The following OPCML variants were observed in gnomAD, a reference collection of about 807,000 sequenced individuals.
The protein encoded by OPCML is opioid-binding protein/cell adhesion molecule.
OPCML carries 13 observed loss-of-function variants against 37.8 expected under a neutral mutation model. The ratio of observed to expected loss-of-function variants is 0.34; its 90% CI spans 0.22 to 0.55. The LOEUF (loss-of-function observed/expected upper bound fraction) is 0.55, where lower values mean the gene tolerates loss of function less well. Among genes scored for constraint, OPCML ranks in the 20% least tolerant of loss-of-function variants. The pLI is 0.91. For missense variants in OPCML, 341 were observed against 435.6 expected (o/e 0.78, Z 1.93); for synonymous variants, 176 against 168.8 (o/e 1.04, Z -0.33).
At chr11:133,033,766 T>C (rs1237755432) in intron 1 of OPCML, among the ~76,000 whole-genome samples, 2 of 152,200 alleles carry the variant, frequency 1.3e-5, no homozygotes, top group Admixed American at 6.5e-5. Context: ...CTAGTGGTTA[T>C]AGATATCCAG....
intron 2 of OPCML, among the ~76,000 whole-genome samples, chr11:132,834,960 G>T (rs78490800): frequency 6.7e-6 from 1 of 150,362 alleles, no homozygotes; most frequent in African/African-American, 2.5e-5. Context: ...GCCCCTCAAG[G>T]CTAAGTCCCC....
At chr11:132,739,211 C>T (rs544745964) in intron 2 of OPCML, among the ~76,000 whole-genome samples, 2 of 152,354 alleles carry the variant, frequency 1.3e-5, no homozygotes, top group South Asian at 2.1e-4. Flanking sequence ...TGTCTTGTCA[C>T]TTCCCTATAC....
chr11:132,743,930 C>T (rs1945523392), intron 2 of OPCML, among the ~76,000 whole-genome samples: 1 of 152,164 alleles, frequency 6.6e-6, no homozygotes, highest in Non-Finnish European at 1.5e-5. Flanking sequence ...GAAGATTGTT[C>T]TCCCAGGCAG....
At position 133,481,444 on chromosome 11, in the gene OPCML, A is replaced by AAAATAAATAAAT. The variant is rs373209430; in HGVS notation, c.61+50808_61+50819dup. Reference sequence around the variant, plus strand: ...ACCATAATTCTTCTCCCCAGTTAAAAAAATAAATAAATAAATAAATAAATA... The same window carrying AAAATAAATAAAT: ...ACCATAATTCTTCTCCCCAGTTAAAAAAATAAATAAATAAATAAATAAATAAATAAATAAATA... On this transcript the variant is annotated intron_variant, in intron 1 of 7. Coordinates refer to ENST00000524381, the MANE Select transcript of OPCML (RefSeq NM_001012393.5). 1.5e-3 allele frequency among the ~76,000 whole-genome samples: 224 copies of AAAATAAATAAAT among 150,208 alleles called. 1 individual carries two copies. The highest frequency in any genetic ancestry group is 5.3e-3 in the African/African-American group (213 of 40,472).
At chr11:133,372,252 T>A (rs964346128) in intron 1 of OPCML, among the ~76,000 whole-genome samples, 6 of 152,200 alleles carry the variant, frequency 3.9e-5, no homozygotes, top group Non-Finnish European at 7.4e-5. Flanking sequence ...ACTTGATCAT[T>A]ACATATTTAT....
chr11:133,096,580 CAG>C (rs1167591287), intron 1 of OPCML, among the ~76,000 whole-genome samples: 2 of 151,972 alleles, frequency 1.3e-5, no homozygotes, highest in South Asian at 2.1e-4. Flanking sequence ...TCGATTAAAA[CAG>C]AGATTTTCAG....
intron 1 of OPCML, among the ~76,000 whole-genome samples, chr11:133,526,328 T>C (rs1948490631): frequency 6.6e-6 from 1 of 152,154 alleles, no homozygotes; most frequent in Non-Finnish European, 1.5e-5. Flanking sequence ...AAGGCAGATA[T>C]AGAAGGCAAG....
chr11:132,521,378 T>A (rs1482786848), intron 4 of OPCML, among the ~76,000 whole-genome samples: 7 of 152,184 alleles, frequency 4.6e-5, no homozygotes, highest in Non-Finnish European at 8.8e-5. Flanking sequence ...GCTCTTTAGT[T>A]TAATTAGATC....
At chr11:133,056,368 A>T (rs1027586114) in intron 1 of OPCML, among the ~76,000 whole-genome samples, 3 of 152,338 alleles carry the variant, frequency 2.0e-5, no homozygotes, top group Non-Finnish European at 4.4e-5. Flanking sequence ...ATACCTGCTT[A>T]GAGTCTCTGG....
At chr11:132,694,105 T>A (rs1943509234) in intron 2 of OPCML, among the ~76,000 whole-genome samples, 1 of 150,656 alleles carries the variant, frequency 6.6e-6, no homozygotes. Flanking sequence ...TAGCTATGAA[T>A]CTTGGTGAAA....
chr11:132,617,467 C>G (rs142166196), intron 3 of OPCML, among the ~76,000 whole-genome samples: 16 of 152,326 alleles, frequency 1.1e-4, no homozygotes, highest in African/African-American at 3.4e-4. Flanking sequence ...TGGCCTATGT[C>G]TAGTGTCCCT....
intron 2 of OPCML, among the ~76,000 whole-genome samples, chr11:132,823,618 C>CA (rs556838448): frequency 4.7e-4 from 71 of 152,176 alleles, no homozygotes; most frequent in Non-Finnish European, 9.7e-4. Flanking sequence ...CAAACAAAAG[C>CA]ACTCCCTTTA....
At chr11:132,440,154 G>A (rs998015901) in intron 4 of OPCML, among the ~76,000 whole-genome samples, 1 of 152,130 alleles carries the variant, frequency 6.6e-6, no homozygotes, top group Admixed American at 6.5e-5. Context: ...CACTGTCTGT[G>A]ATGCTGTTTT....
intron 1 of OPCML, among the ~76,000 whole-genome samples, chr11:132,974,176 A>G (rs115988349): frequency 0.014 from 2,143 of 152,292 alleles, 50 homozygotes; most frequent in African/African-American, 0.049. Flanking sequence ...TATCAAGTTT[A>G]CCCTTTCTAT....
chr11:133,231,141 G>A (rs779058319), intron 1 of OPCML, among the ~76,000 whole-genome samples: 3 of 152,158 alleles, frequency 2.0e-5, no homozygotes, highest in African/African-American at 4.8e-5. Flanking sequence ...TCTAACATAC[G>A]ATATGATTTT....
intron 1 of OPCML, among the ~76,000 whole-genome samples, chr11:133,314,985 C>CAT (rs1555138362): frequency 6.6e-6 from 1 of 151,474 alleles, no homozygotes; most frequent in African/African-American, 2.4e-5. Context: ...AGTGTGTGTG[C>CAT]GTGTGTGTGT....
chr11:133,480,343 A>T (rs1462823255), intron 1 of OPCML, among the ~76,000 whole-genome samples: 1 of 152,178 alleles, frequency 6.6e-6, no homozygotes, highest in African/African-American at 2.4e-5. Flanking sequence ...GTCCTTGTTC[A>T]TGTAACCTGG....
chr11:132,574,506 T>C (rs2096445996), intron 3 of OPCML, among the ~76,000 whole-genome samples: 2 of 152,092 alleles, frequency 1.3e-5, no homozygotes, highest in East Asian at 1.9e-4. Context: ...TTTAAAAAAT[T>C]CTTCTTTTGA....
chr11:132,738,136 C>T (rs1302701872), intron 2 of OPCML, among the ~76,000 whole-genome samples: 3 of 152,312 alleles, frequency 2.0e-5, no homozygotes, highest in African/African-American at 7.2e-5. Flanking sequence ...GGAAGCATTG[C>T]TATTCTCGCT....
Sources: allele counts gnomAD v4.1 joint callset (sites outside exome capture counted in the v4.1 genomes callset), GRCh38; gene constraint gnomAD v4.1.1; transcripts MANE v1.5; gene names NCBI Gene and HGNC (gene_info 2026-07-23, HGNC 2026-07-21).